Variants in CEP295 observed in about 807,000 individuals in gnomAD.
The protein encoded by CEP295 is centrosomal protein 295.
CEP295 carries 190 observed loss-of-function variants against 291.6 expected under a neutral mutation model. The observed-to-expected ratio is 0.65, with a 90% CI of 0.58 to 0.73. CEP295 has a LOEUF of 0.73. CEP295 is among the 30% of genes least tolerant of loss of function. CEP295 has a pLI of 0.00. For missense variants in CEP295, 2,863 were observed against 2,949.4 expected (o/e 0.97, Z 0.68); for synonymous variants, 993 against 1,038.8 (o/e 0.96, Z 0.85).
intron 17 of CEP295, among the ~76,000 whole-genome samples, chr11:93,704,373 C>T (rs948179716): frequency 6.6e-6 from 1 of 152,100 alleles, no homozygotes; most frequent in Non-Finnish European, 1.5e-5. Context: ...CACCTGTAAT[C>T]CCAGCACTTT....
intron 8 of CEP295, 101 bp from the exon 9 acceptor site, chr11:93,683,863 A>G (rs758036862): frequency 1.6e-5 from 23 of 1,419,206 alleles, no homozygotes; most frequent in African/African-American, 2.9e-5. Context: ...GAGGCCCCCC[A>G]TATTTTAGAT....
In CEP295 at chr11:93,683,671, G is replaced by A. The variant is rs371875146; in HGVS notation, c.878G>A (p.Arg293His). 1.7e-4 allele frequency: 262 copies of A among 1,550,200 alleles called. No homozygotes were observed. The African/African-American group carries it at 3.1e-3, about 18-fold the overall frequency. ...PPQLVELPYK[R>H]SEMKEDWQRE... The stretch of plus-strand genomic sequence containing the variant: ...CAACTAGTTGAACTTCCATACAAAC[G>A]CAGTGAAATGAAAGAAGACTGGCAG... Residue 293 changes from arginine to histidine, a missense_variant, in exon 8 of 30, where the codon CGC (arginine) becomes CAC (histidine). Arg to His is a conservative substitution (Grantham distance 29). Transcript: ENST00000325212.
chr11:93,681,435 T>C (rs4396250), intron 7 of CEP295, among the ~76,000 whole-genome samples: 1 of 137,564 alleles, frequency 7.3e-6, no homozygotes, highest in Non-Finnish European at 1.5e-5. Context: ...TTTTTTTTTG[T>C]GACAGAGTCT....
rs147990307 is a variant in CEP295 at position 93,672,435 on chromosome 11, G to A, written c.528+2665G>A. Among the ~76,000 whole-genome samples, 738 of 149,232 alleles carry A rather than the reference G, an allele frequency of 4.9e-3. 5 individuals carry two copies. The highest frequency in any genetic ancestry group is 8.0e-3 in the Admixed American group (120 of 14,992). ...TTATACCTTTTTTTTTTTTTGAGAC[G>A]GGATCTCACTATGTTGCCCAGGCTA... On this transcript the variant is annotated intron_variant, in intron 5 of 29. Transcript: ENST00000325212.
Position 93,698,656 on chromosome 11 carries a change from ACATAT to A in CEP295, c.3745_3749del (p.His1249AlafsTer6). 6.4e-7 allele frequency: 1 copy of A among 1,550,806 alleles called. No individual in the cohort carries two copies. Reference sequence around the variant, plus strand: ...AGGAAAGACTTTTGAGAGTTTCACAACATATGCTACCTCTACAAGATAATTTGGAG... The same window carrying A: ...AGGAAAGACTTTTGAGAGTTTCACAAGCTACCTCTACAAGATAATTTGGAG... On this transcript the variant is annotated frameshift_variant, in exon 15 of 30. Coordinates refer to ENST00000325212, the MANE Select transcript of CEP295 (RefSeq NM_033395.2). LOFTEE classifies it high-confidence loss of function.
Position 93,686,319 on chromosome 11 carries a change from T to TAA in CEP295, c.1115-1314_1115-1313dup, listed in dbSNP as rs57239341. Among the ~76,000 whole-genome samples, 565 of 146,338 alleles carry TAA rather than the reference T, an allele frequency of 3.9e-3. 8 individuals are homozygous for TAA. In the East Asian group the frequency reaches 0.053, roughly 14 times the overall value. On this transcript the variant is annotated intron_variant, in intron 9 of 29. Transcript: ENST00000325212. ...GGGCAACAAGAGTGAAACTCCATCT[T>TAA]AAAAAAAAAAAAGATATTTTTACTC...
chr11:93,714,585 G>A (rs1416089849), intron 18 of CEP295, among the ~76,000 whole-genome samples: 4 of 152,256 alleles, frequency 2.6e-5, no homozygotes, highest in Non-Finnish European at 4.4e-5. Flanking sequence ...TGCATTCTGG[G>A]CTTGCTTGTA....
intron 8 of CEP295, 107 bp from the exon 9 acceptor site, chr11:93,683,856 GC>G (rs916616547): frequency 4.3e-6 from 6 of 1,411,146 alleles, no homozygotes; most frequent in African/African-American, 1.5e-5. Flanking sequence ...TTTGAAGGAG[GC>G]CCCCCATATT....
At position 93,730,149 on chromosome 11, in the gene CEP295, G is replaced by GTT; in HGVS notation, c.7767+2_7767+3insTT. 1 of 1,551,014 alleles carries GTT rather than the reference G, an allele frequency of 6.4e-7. No individual in the cohort carries two copies. On this transcript the variant is annotated splice_donor_variant, in intron 29 of 29. Transcript: ENST00000325212. LOFTEE classifies it high-confidence loss of function. The stretch of plus-strand genomic sequence containing the variant: ...AGCAAGGGCAAAAGAATTCCATAAG[G>GTT]TGAGTATAACTGAGGGAGAAGGACT...
rs1276048488 is a variant in CEP295, at chr11:93,698,952, A to C, written c.4040A>C (p.Gln1347Pro). Residue 1347 changes from glutamine (Q) to proline (P), a missense_variant, in exon 15 of 30, where the codon CAA becomes CCA. Transcript: ENST00000325212. ...AGGATATCGCAACTTATCCAGCCTC[A>C]ACAAGATAATTTGAAGGCACTTCAA... The part of the protein sequence containing the change: ...LLRISQLIQP[Q>P]QDNLKALQEQ... 4 of 1,551,426 alleles carry C rather than the reference A, an allele frequency of 2.6e-6. No individual in the cohort carries two copies. The highest frequency in any genetic ancestry group is 4.9e-5 in the East Asian group (2 of 40,918).
intron 7 of CEP295, among the ~76,000 whole-genome samples, chr11:93,680,868 T>C (rs1950925845): frequency 6.6e-6 from 1 of 152,232 alleles, no homozygotes; most frequent in African/African-American, 2.4e-5. Flanking sequence ...AATGAGTTTT[T>C]AAGTACTTCT....
chr11:93,714,799 T>C (rs991380669), intron 18 of CEP295, among the ~76,000 whole-genome samples: 1 of 152,190 alleles, frequency 6.6e-6, no homozygotes, highest in Non-Finnish European at 1.5e-5. Context: ...CAGAGACTCT[T>C]ATTCTTTACC....
At chr11:93,715,059 T>G (rs1953145448) in intron 18 of CEP295, among the ~76,000 whole-genome samples, 1 of 152,204 alleles carries the variant, frequency 6.6e-6, no homozygotes, top group African/African-American at 2.4e-5. Flanking sequence ...TGAAGCCAGC[T>G]GGTCTTATGT....
chr11:93,730,056 A>C lies in CEP295; in HGVS notation c.7675A>C (p.Asn2559His), dbSNP rs1448302696. Residue 2559 changes from asparagine (N) to histidine (H), a missense_variant, in exon 29 of 30, where the codon AAT (asparagine) becomes CAT (histidine). Physicochemically the swap from Asn to His is moderately conservative, Grantham distance 68. Transcript: ENST00000325212. ...TATATAAATTCTTTACAGGTTATAC[A>C]ATCAACTAGCTGAAGTGAAACAACA... ...LRHQRGLRLY[N>H]QLAEVKQQKE... 6.5e-7 allele frequency: 1 copy of C among 1,548,890 alleles called. No homozygotes were observed. The highest frequency in any genetic ancestry group is 2.0e-5 in the Admixed American group (1 of 50,564).
chr11:93,723,558 G>T, intron 21 of CEP295: 1 of 250,558 alleles, frequency 4.0e-6, no homozygotes, highest in Non-Finnish European at 7.7e-6. Context: ...CGGTATTACT[G>T]ATAAATAAGA....
Position 93,691,925 on chromosome 11 carries a change from A to G in CEP295, c.1430-2A>G. On this transcript the variant is annotated splice_acceptor_variant, in intron 11 of 29. Transcript: ENST00000325212. LOFTEE classifies it high-confidence loss of function. ...TAATTTTTGTTTGGGGCATTCCCCTAGAAATAAATGAGACTCTGCCTATCA... is the reference window on the plus strand; with the variant it reads ...TAATTTTTGTTTGGGGCATTCCCCTGGAAATAAATGAGACTCTGCCTATCA... The G allele has an allele frequency of 6.5e-7, 1 of 1,527,354 alleles. No individual in the cohort carries two copies. The allele number at this position is 1,527,354 out of a possible 1,614,324, so 94.6% of individuals were successfully genotyped here. A position where few individuals can be genotyped will look rare whatever the true frequency, so the allele number is the denominator to read the frequency against.
In CEP295 at chr11:93,687,734, C is replaced by G. The variant is rs1347938013; in HGVS notation, c.1205C>G (p.Thr402Arg). Residue 402 changes from threonine to arginine, a missense_variant, in exon 10 of 30, where the codon ACA becomes AGA. Physicochemically the swap from Thr to Arg is moderately conservative, Grantham distance 71. Coordinates refer to ENST00000325212, the MANE Select transcript of CEP295 (RefSeq NM_033395.2). ...NKIRSQKSLW[T>R]IKSMSEDESE... ...ATCCGAAGCCAAAAATCTCTCTGGA[C>G]AATTAAATCTATGTCTGAGGATGAA... The G allele has an allele frequency of 1.9e-6, 3 of 1,549,484 alleles. No individual in the cohort carries two copies. The highest frequency in any genetic ancestry group is 3.9e-5 in the Admixed American group (2 of 50,954).
intron 20 of CEP295, chr11:93,722,461 CAA>C (rs749072424): frequency 5.3e-4 from 73 of 138,058 alleles, no homozygotes; most frequent in South Asian, 1.3e-3. Flanking sequence ...AACCCTGTCT[CAA>C]AAAAAAAAAA....
intron 10 of CEP295, 40 bp from the exon 11 acceptor site, chr11:93,691,643 G>T: frequency 1.6e-6 from 2 of 1,289,780 alleles, no homozygotes; most frequent in South Asian, 1.3e-5. Context: ...GTTTGACAAT[G>T]ATTATATATT....
Sources: gnomAD v4.1 joint callset for allele counts (sites outside exome capture counted in the v4.1 genomes callset) on GRCh38, gnomAD v4.1.1 for gene constraint, MANE v1.5 for transcripts, NCBI Gene and HGNC (gene_info 2026-07-23, HGNC 2026-07-21) for gene names.